The following TAF4B variants were observed in gnomAD, a reference collection of about 807,000 sequenced individuals.
TAF4B encodes TATA-box binding protein associated factor 4b, also known as transcription initiation factor TFIID subunit 4B.
In TAF4B, 38 loss-of-function variants were observed where a neutral mutation model predicts 86.4. The ratio of observed to expected loss-of-function variants is 0.44; its 90% CI spans 0.34 to 0.58. TAF4B has a LOEUF of 0.58. Ranked by LOEUF, TAF4B falls within the 20% of genes least tolerant of loss-of-function variation. The pLI, the probability that TAF4B is intolerant of heterozygous loss-of-function variation, is 0.02. For missense variants in TAF4B, 988 were observed against 1,027.6 expected (o/e 0.96, Z 0.53); for synonymous variants, 388 against 391.2 (o/e 0.99, Z 0.10).
chr18:26,258,185 C>T (rs535170844), intron 1 of TAF4B, among the ~76,000 whole-genome samples: 36 of 150,246 alleles, frequency 2.4e-4, no homozygotes, highest in African/African-American at 8.1e-4. Flanking sequence ...ACCAAGGAGT[C>T]GGAGGTTGCA....
Position 26,226,772 on chromosome 18 carries a change from C to G in TAF4B, c.-162C>G, listed in dbSNP as rs2144402813. 1.9e-6 allele frequency: 1 copy of G among 519,142 alleles called. No individual in the cohort carries two copies. The highest frequency in any genetic ancestry group is 3.1e-6 in the Non-Finnish European group (1 of 319,206). 32.2% of individuals were successfully genotyped at this position (519,142 alleles called of 1,614,324 possible). On this transcript the variant is annotated 5_prime_UTR_variant, in exon 1 of 15. Transcript: ENST00000269142. The stretch of plus-strand genomic sequence containing the variant: ...TCCGGGACGCGCGTGTCCTGCCGTG[C>G]AGCGGGCGCCCGTCACTGACTTCGC...
chr18:26,270,563 C>T (rs925461530), intron 3 of TAF4B, among the ~76,000 whole-genome samples: 1 of 152,166 alleles, frequency 6.6e-6, no homozygotes, highest in African/African-American at 2.4e-5. Flanking sequence ...CAAATCCTCC[C>T]GCCTCTGCCT....
chr18:26,285,224 T>TTTTTTTTTTTTTG (rs2056503454), intron 6 of TAF4B, among the ~76,000 whole-genome samples: 3 of 122,794 alleles, frequency 2.4e-5, no homozygotes, highest in Admixed American at 8.3e-5. Flanking sequence ...TTTTTTTTGT[T>TTTTTTTTTTTTTG]TTTTTTTTTT....
At chr18:26,270,564 G>A (rs1276236044) in intron 3 of TAF4B, among the ~76,000 whole-genome samples, 5 of 152,114 alleles carry the variant, frequency 3.3e-5, no homozygotes, top group Admixed American at 2.0e-4. Flanking sequence ...AAATCCTCCC[G>A]CCTCTGCCTT....
chr18:26,293,739 A>C (rs1489939072), intron 9 of TAF4B, among the ~76,000 whole-genome samples: 1 of 152,182 alleles, frequency 6.6e-6, no homozygotes, highest in African/African-American at 2.4e-5. Context: ...ATACCTGTGT[A>C]ATCATCATGC....
intron 9 of TAF4B, among the ~76,000 whole-genome samples, chr18:26,308,597 G>T (rs1182733050): frequency 6.6e-6 from 1 of 152,086 alleles, no homozygotes; most frequent in Non-Finnish European, 1.5e-5. Flanking sequence ...ATTAGGCCAG[G>T]CGTAGTGGCT....
At chr18:26,247,537 T>C (rs751088895) in intron 1 of TAF4B, among the ~76,000 whole-genome samples, 6 of 152,204 alleles carry the variant, frequency 3.9e-5, no homozygotes, top group Non-Finnish European at 8.8e-5. Flanking sequence ...ACAAAAATAT[T>C]ACCCTCCCCC....
intron 6 of TAF4B, among the ~76,000 whole-genome samples, chr18:26,282,962 G>C (rs1666312595): frequency 6.6e-6 from 1 of 152,196 alleles, no homozygotes; most frequent in African/African-American, 2.4e-5. Flanking sequence ...TGAGATTGCA[G>C]CAATTCGGTC....
intron 14 of TAF4B, among the ~76,000 whole-genome samples, chr18:26,363,062 G>A (rs2144316350): frequency 6.6e-6 from 1 of 152,208 alleles, no homozygotes; most frequent in Non-Finnish European, 1.5e-5. Flanking sequence ...TCAGGGACTT[G>A]AGCGTCTTTG....
At chr18:26,387,270 T>C (rs1002180955) in intron 14 of TAF4B, among the ~76,000 whole-genome samples, 1 of 152,136 alleles carries the variant, frequency 6.6e-6, no homozygotes, top group Admixed American at 6.6e-5. Flanking sequence ...GGTTTCACCA[T>C]GTTAGCCAGG....
intron 14 of TAF4B, among the ~76,000 whole-genome samples, chr18:26,375,407 A>G (rs538808440): frequency 1.4e-4 from 21 of 152,108 alleles, no homozygotes; most frequent in Non-Finnish European, 2.5e-4. Flanking sequence ...ATGTATTTTC[A>G]TTTCTCTTGG....
intron 13 of TAF4B, among the ~76,000 whole-genome samples, chr18:26,346,114 A>G (rs957303401): frequency 3.3e-5 from 5 of 152,164 alleles, no homozygotes; most frequent in Non-Finnish European, 7.3e-5. Flanking sequence ...GACTAGAAGC[A>G]TGTGCCACCA....
chr18:26,337,801 A>G (rs74747815), intron 13 of TAF4B, among the ~76,000 whole-genome samples: 11,793 of 152,268 alleles, frequency 0.077, 567 homozygotes, highest in Non-Finnish European at 0.1. Flanking sequence ...ACTAATCACT[A>G]TCATGCTGGT....
At chr18:26,349,500 G>A (rs1188980570) in intron 13 of TAF4B, among the ~76,000 whole-genome samples, 2 of 152,082 alleles carry the variant, frequency 1.3e-5, no homozygotes, top group Non-Finnish European at 2.9e-5. Context: ...TAACCCAGGA[G>A]ATGAAGGAAC....
At chr18:26,285,442 C>T (rs954156082) in intron 6 of TAF4B, among the ~76,000 whole-genome samples, 6 of 151,728 alleles carry the variant, frequency 4.0e-5, no homozygotes, top group African/African-American at 1.2e-4. Flanking sequence ...TTACTTTGGC[C>T]TCCCAGAGTG....
chr18:26,285,210 C>CTTTCCTTTTTTTTTTTT (rs2056496143), intron 6 of TAF4B, among the ~76,000 whole-genome samples: 1 of 42,514 alleles, frequency 2.4e-5, no homozygotes, highest in African/African-American at 8.0e-5. Flanking sequence ...TCTTCCTTTC[C>CTTTCCTTTTTTTTTTTT]TTTTTTTTTT....
chr18:26,373,964 G>A (rs990055304), intron 14 of TAF4B, among the ~76,000 whole-genome samples: 1 of 152,182 alleles, frequency 6.6e-6, no homozygotes, highest in Admixed American at 6.5e-5. Context: ...GGGAGCCCAT[G>A]ATGTACCTTG....
intron 1 of TAF4B, among the ~76,000 whole-genome samples, chr18:26,237,446 C>T (rs1274827661): frequency 6.6e-6 from 1 of 152,022 alleles, no homozygotes; most frequent in Non-Finnish European, 1.5e-5. Flanking sequence ...GCCAAATTTC[C>T]CTTCCCCTAC....
intron 1 of TAF4B, among the ~76,000 whole-genome samples, chr18:26,239,360 A>T (rs2055800270): frequency 6.6e-6 from 1 of 151,868 alleles, no homozygotes; most frequent in Non-Finnish European, 1.5e-5. Context: ...GCATTTTTTC[A>T]TGTGTCTTTT....
Sources: gnomAD v4.1 joint callset for allele counts (sites outside exome capture counted in the v4.1 genomes callset) on GRCh38, gnomAD v4.1.1 for gene constraint, MANE v1.5 for transcripts, NCBI Gene and HGNC (gene_info 2026-07-23, HGNC 2026-07-21) for gene names.